Variants in LYST observed in about 807,000 individuals in gnomAD.
LYST encodes the protein lysosomal-trafficking regulator.
Under a neutral mutation model 413.6 loss-of-function variants are expected in LYST, and 192 were observed. The ratio of observed to expected loss-of-function variants is 0.46; its 90% CI spans 0.41 to 0.52. The LOEUF (loss-of-function observed/expected upper bound fraction) is 0.52. LYST is among the 20% of genes least tolerant of loss of function. LYST has a pLI of 0.00. For synonymous variants in LYST, 1,525 were observed against 1,567.3 expected, an observed-to-expected ratio of 0.97 and a Z score of 0.64; for missense variants, 3,815 against 4,499.9, an observed-to-expected ratio of 0.85 and a Z score of 4.35.
intron 2 of LYST, 109 bp from the exon 3 acceptor site, chr1:235,830,533 T>C: frequency 2.3e-6 from 2 of 858,896 alleles, no homozygotes; most frequent in Non-Finnish European, 3.6e-6. Flanking sequence ...GGCTTAAAAT[T>C]ACTGGAAATT....
rs1665394963 is a variant in LYST at position 235,741,461 on chromosome 1, A to G, written c.8319T>C (p.His2773=). ...QIFEIVHEPN[H]QEILRDCLSP... is the part of the protein sequence containing the mutation. ...TGAGACAGTCTCGTAGTATTTCCTG[A>G]TGATTTGGTTCATGAACTATTTCAA... is the stretch of plus-strand genomic sequence containing the variant. The change falls in exon 31 of 53, where the codon CAT becomes CAC. Residue 2773 remains histidine (H), a synonymous_variant. Coordinates refer to ENST00000389793, the MANE Select transcript of LYST (RefSeq NM_000081.4). 3 of 1,613,952 alleles carry G rather than the reference A, an allele frequency of 1.9e-6. No homozygotes were observed. In the African/African-American group the frequency reaches 4.0e-5, roughly 22 times the overall value.
chr1:235,820,375 CTTTTTTTTT>C (rs1176878134), intron 3 of LYST, among the ~76,000 whole-genome samples: 1 of 145,238 alleles, frequency 6.9e-6, no homozygotes, highest in Non-Finnish European at 1.5e-5. Flanking sequence ...TCTTTTCTTT[CTTTTTTTTT>C]TTTGAGACAG....
chr1:235,867,913 A>G (rs1204926790), upstream of LYST, among the ~76,000 whole-genome samples: 1 of 152,254 alleles, frequency 6.6e-6, no homozygotes, highest in African/African-American at 2.4e-5. Context: ...CACAGGAATT[A>G]TGAAATAGAA....
chr1:235,762,037 T>C (rs1228713117), intron 22 of LYST, among the ~76,000 whole-genome samples: 3 of 150,630 alleles, frequency 2.0e-5, no homozygotes, highest in Admixed American at 2.0e-4. Flanking sequence ...GACGAGTTAA[T>C]GGGTGCAGCA....
At chr1:235,869,483 T>A (rs78369033), upstream of LYST, among the ~76,000 whole-genome samples, 1,680 of 150,698 alleles carry the variant, frequency 0.011, 28 homozygotes, top group African/African-American at 0.028. Flanking sequence ...AAAAAAAAAA[T>A]AATAATTAAA....
chr1:235,759,205 G>A lies in LYST; in HGVS notation c.6648C>T (p.Asp2216=). ...GTGGGCAGGACTCATCCCCAGGACT[G>A]TCATCTTCTGACCTGGGTTCTGCTC... is the stretch of plus-strand genomic sequence containing the variant. ...QLGAEPRSED[D]SPGDESCPRR... is the part of the protein sequence containing the mutation. Residue 2216 remains aspartate, a synonymous_variant, in exon 23 of 53, where the codon GAC becomes GAT. Coordinates refer to ENST00000389793, the MANE Select transcript of LYST (RefSeq NM_000081.4). The A allele has an allele frequency of 1.2e-6, 2 of 1,614,192 alleles. No individual in the cohort carries two copies. The highest frequency in any genetic ancestry group is 2.2e-5 in the South Asian group (2 of 91,084).
intron 45 of LYST, 73 bp from the exon 46 acceptor site, chr1:235,697,345 C>G (rs184806594): frequency 8.9e-7 from 1 of 1,122,020 alleles, no homozygotes; most frequent in East Asian, 2.5e-5. Flanking sequence ...AATTTAAGCT[C>G]TAAACAAAGT....
intron 39 of LYST, 30 bp downstream of exon 39, chr1:235,723,998 A>G (rs373107751): frequency 1.0e-5 from 16 of 1,590,998 alleles, no homozygotes; most frequent in East Asian, 6.7e-5. Context: ...CACTTAAACA[A>G]TATATATCAA....
chr1:235,775,707 A>G (rs963828612), intron 17 of LYST, among the ~76,000 whole-genome samples: 1 of 152,092 alleles, frequency 6.6e-6, no homozygotes, highest in African/African-American at 2.4e-5. Flanking sequence ...AGAGAGCCAA[A>G]TCCTGGAAAG....
chr1:235,744,637 T>C (rs958633707), intron 29 of LYST, among the ~76,000 whole-genome samples: 5 of 151,484 alleles, frequency 3.3e-5, no homozygotes, highest in East Asian at 3.9e-4. Context: ...CGATGGCTCA[T>C]GCCTGTAATC....
intron 28 of LYST, among the ~76,000 whole-genome samples, chr1:235,746,979 T>C (rs1029740777): frequency 2.6e-5 from 4 of 152,228 alleles, no homozygotes; most frequent in Admixed American, 2.6e-4. Context: ...AAAAACTGTG[T>C]ATAGTGACAA....
intron 40 of LYST, among the ~76,000 whole-genome samples, chr1:235,717,488 G>C (rs1414274378): frequency 6.6e-6 from 1 of 152,110 alleles, no homozygotes; most frequent in African/African-American, 2.4e-5. Flanking sequence ...ACTTTTACAA[G>C]CTACAGAATC....
Position 235,854,683 on chromosome 1 carries a change from G to T in LYST, c.-98+12160C>A, listed in dbSNP as rs971355857. 6.6e-6 allele frequency among the ~76,000 whole-genome samples: 1 copy of T among 152,146 alleles called. No homozygotes were observed. Among genetic ancestry groups the T allele is most frequent in the African/African-American group, 2.4e-5 (1 of 41,438 alleles). ...TTAAACGAGATAATTCATGTAAAAT[G>T]CATAGCACAGTGCCTGGCAGATTGC... On this transcript the variant is annotated intron_variant, in intron 1 of 52. Transcript: ENST00000389793. This position sits in a 1 kb window ranked among gnomAD's most constrained non-coding sequence, Gnocchi z 4.1.
rs556136315 is a variant in LYST, at chr1:235,751,456, T to C, written c.7628-94A>G. The C allele has an allele frequency of 4.4e-5, 50 of 1,137,576 alleles. No individual in the cohort carries two copies. In the African/African-American group the frequency reaches 6.1e-4, roughly 14 times the overall value. 70.5% of individuals were successfully genotyped at this position (1,137,576 alleles called of 1,614,324 possible). ...ATGTATCATGACAATAATGTTTTGATATAAATTTTTAAATTTTGATCAGCA... is the reference window on the plus strand; with the variant it reads ...ATGTATCATGACAATAATGTTTTGACATAAATTTTTAAATTTTGATCAGCA... On this transcript the variant is annotated intron_variant, in intron 27 of 52. Coordinates refer to ENST00000389793, the MANE Select transcript of LYST (RefSeq NM_000081.4).
chr1:235,767,262 T>C (rs1668236588), intron 20 of LYST, among the ~76,000 whole-genome samples: 1 of 152,120 alleles, frequency 6.6e-6, no homozygotes. Flanking sequence ...TATCTCTACA[T>C]CCACTCTTCA....
intron 1 of LYST, among the ~76,000 whole-genome samples, chr1:235,876,133 G>C (rs1681126721): frequency 6.6e-6 from 1 of 151,894 alleles, no homozygotes; most frequent in African/African-American, 2.4e-5. Context: ...GAGGTGAGAG[G>C]ATCACTTGAA....
intron 28 of LYST, among the ~76,000 whole-genome samples, chr1:235,750,146 T>C (rs1055416974): frequency 1.1e-4 from 16 of 152,180 alleles, no homozygotes. Context: ...TGCAGGAAGC[T>C]GAGCACTAAT....
chr1:235,808,638 T>G lies in LYST; in HGVS notation c.2180A>C (p.Gln727Pro). ...AAATATGTAATTATATAATTTCCAC[T>G]GAACAACTATATTGCCTTTCTGGAT... Reference protein sequence around the residue: ...NLIQKGNIVVQWKLYNYIFNP... With the variant: ...NLIQKGNIVVPWKLYNYIFNP... Residue 727 changes from glutamine to proline, a missense_variant, in exon 5 of 53, where the codon CAG (glutamine) becomes CCG (proline). By Grantham distance (76) the Gln-to-Pro change is moderately conservative. Around this residue, in one of 4 missense-constraint regions of LYST, gnomAD observed 1,648 missense variants for 1,810.3 expected, o/e 0.91. Transcript: ENST00000389793. 6.2e-7 allele frequency: 1 copy of G among 1,613,066 alleles called. No individual in the cohort carries two copies. Among genetic ancestry groups the G allele is most frequent in the South Asian group, 1.1e-5 (1 of 91,058 alleles).
chr1:235,712,519 C>T (rs2103127244), intron 42 of LYST: 1 of 821,598 alleles, frequency 1.2e-6, no homozygotes. Context: ...ATCACCCACA[C>T]CTTGCACATA....
Sources: allele counts gnomAD v4.1 joint callset (sites outside exome capture counted in the v4.1 genomes callset), GRCh38; gene constraint gnomAD v4.1.1; regional missense constraint gnomAD v4.1.1; non-coding constraint Gnocchi (gnomAD v3.1); transcripts MANE v1.5; gene names NCBI Gene and HGNC (gene_info 2026-07-23, HGNC 2026-07-21).